The following SPIC variants were observed in gnomAD, a reference collection of about 807,000 sequenced individuals.
SPIC encodes transcription factor Spi-C.
Under a neutral mutation model 16.7 loss-of-function variants are expected in SPIC, and 9 were observed. The observed-to-expected ratio is 0.54, with a 90% CI of 0.33 to 0.94. SPIC has a LOEUF of 0.94. SPIC is among the 40% of genes least tolerant of loss of function. The pLI, the probability that SPIC is intolerant of heterozygous loss-of-function variation, is 0.03. For synonymous variants in SPIC, 97 were observed against 102.9 expected (o/e 0.94, Z 0.35); for missense variants, 241 against 285.8 (o/e 0.84, Z 1.13).
At chr12:101,475,862 G>A (rs1002314658) in intron 1 of SPIC, among the ~76,000 whole-genome samples, 2 of 152,104 alleles carry the variant, frequency 1.3e-5, no homozygotes, top group Non-Finnish European at 2.9e-5. Flanking sequence ...GAGCCGAAGA[G>A]TGATTTCTGG....
intron 5 of SPIC, among the ~76,000 whole-genome samples, chr12:101,483,998 T>C (rs1330655624): frequency 6.6e-6 from 1 of 151,772 alleles, no homozygotes; most frequent in Non-Finnish European, 1.5e-5. Flanking sequence ...TATTTATTCA[T>C]TTATTTATTT....
chr12:101,479,355 G>GAA (rs1243477392), intron 3 of SPIC, among the ~76,000 whole-genome samples: 5 of 150,978 alleles, frequency 3.3e-5, no homozygotes, highest in Non-Finnish European at 7.4e-5. Context: ...AAGAAAGAAA[G>GAA]AAATCATGCG....
intron 5 of SPIC, among the ~76,000 whole-genome samples, chr12:101,483,568 C>T (rs7978469): frequency 0.72 from 109,209 of 151,996 alleles, 40,131 homozygotes; most frequent in African/African-American, 0.88. Context: ...AACATATATA[C>T]AGTAGATACT....
Position 101,482,784 on chromosome 12 carries a change from T to C in SPIC, c.211-8T>C. On this transcript the variant is annotated splice_polypyrimidine_tract_variant and splice_region_variant and intron_variant, in intron 4 of 5. Transcript: ENST00000551346. ...CTCACTTAACATCCTGCTTCATTAT[T>C]TATATAGAACAGTGCTGCGGACTTC... The C allele has an allele frequency of 6.3e-7, 1 of 1,598,166 alleles. No individual in the cohort carries two copies. The highest frequency in any genetic ancestry group is 8.5e-7 in the Non-Finnish European group (1 of 1,173,216).
In SPIC at chr12:101,478,156, C is replaced by T. The variant is rs909711679; in HGVS notation, c.97+505C>T. On this transcript the variant is annotated intron_variant, in intron 3 of 5. Transcript: ENST00000551346. ...ACGCCATTCTCCTGCCTCAGCCTCC[C>T]GAGTAGCTGGGACTACAGGCGCCCG... is the stretch of plus-strand genomic sequence containing the variant. Among the ~76,000 whole-genome samples, 107 of 151,028 alleles carry T rather than the reference C, an allele frequency of 7.1e-4. 1 individual carries two copies. The highest frequency in any genetic ancestry group is 1.3e-4 in the Non-Finnish European group (9 of 67,684).
At chr12:101,475,713 G>C (rs944182814) in intron 1 of SPIC, among the ~76,000 whole-genome samples, 1 of 152,152 alleles carries the variant, frequency 6.6e-6, no homozygotes, top group Non-Finnish European at 1.5e-5. Context: ...TAGTCAAAGA[G>C]AACATGTTCA....
chr12:101,486,258 T>C (rs1000597179), intron 5 of SPIC, 86 bp from the exon 6 acceptor site: 1 of 1,315,024 alleles, frequency 7.6e-7, no homozygotes, highest in Non-Finnish European at 1.1e-6. Flanking sequence ...CAGCTTTTAA[T>C]TCAGTAGTTG....
chr12:101,485,332 T>G (rs1029617916), intron 5 of SPIC, among the ~76,000 whole-genome samples: 4 of 152,170 alleles, frequency 2.6e-5, no homozygotes, highest in African/African-American at 9.7e-5. Flanking sequence ...AGAAATCCTA[T>G]CAACTGAACA....
intron 4 of SPIC, among the ~76,000 whole-genome samples, chr12:101,482,108 G>T (rs1873220940): frequency 6.6e-6 from 1 of 150,436 alleles, no homozygotes; most frequent in Non-Finnish European, 1.5e-5. Flanking sequence ...CGGGCATGGT[G>T]GCACGCCCAG....
chr12:101,478,048 T>TTC (rs1873015480), intron 3 of SPIC, among the ~76,000 whole-genome samples: 1 of 150,434 alleles, frequency 6.6e-6, no homozygotes, highest in Admixed American at 6.6e-5. Flanking sequence ...TTTTTTTTTT[T>TTC]TGAGACGAAG....
chr12:101,484,144 CT>C (rs1313159218), intron 5 of SPIC, among the ~76,000 whole-genome samples: 2 of 151,622 alleles, frequency 1.3e-5, no homozygotes, highest in Non-Finnish European at 2.9e-5. Context: ...TTCTAGAAAG[CT>C]TTTTTTAAAA....
At chr12:101,477,228 G>A (rs75041342) in intron 2 of SPIC, among the ~76,000 whole-genome samples, 7,088 of 152,198 alleles carry the variant, frequency 0.047, 187 homozygotes, top group African/African-American at 0.065. Context: ...ACTATAGAAT[G>A]AATACCATTC....
At chr12:101,475,549 C>G (rs1191504256) in intron 1 of SPIC, 47 bp downstream of exon 1, 1 of 152,074 alleles carries the variant, frequency 6.6e-6, no homozygotes, top group Non-Finnish European at 1.5e-5. Context: ...AATCACTGTT[C>G]ATTTTTTCCT....
chr12:101,476,095 T>G (rs1192270529), intron 1 of SPIC, among the ~76,000 whole-genome samples: 1 of 152,198 alleles, frequency 6.6e-6, no homozygotes. Flanking sequence ...AAAGAACTGC[T>G]GGGTTTACTT....
rs376950527 is a variant in SPIC, at chr12:101,475,415, A to G, written c.-165A>G. On this transcript the variant is annotated 5_prime_UTR_variant, in exon 1 of 6. It adds an upstream start codon to the 5' untranslated region. Transcript: ENST00000551346. Reference sequence around the variant, plus strand: ...CATCAGAGCCATTGCACTGGAAAATAATTTTTTATTTTCATGATAGCCTAC... The same window carrying G: ...CATCAGAGCCATTGCACTGGAAAATGATTTTTTATTTTCATGATAGCCTAC... 2.0e-5 allele frequency: 3 copies of G among 152,234 alleles called. No homozygotes were observed. The highest frequency in any genetic ancestry group is 4.1e-4 in the South Asian group (2 of 4,824). The allele number at this position is 152,234 out of a possible 1,614,324, so 9.4% of individuals were successfully genotyped here.
chr12:101,479,205 AAAG>A (rs1267476460), intron 3 of SPIC, among the ~76,000 whole-genome samples: 3 of 130,334 alleles, frequency 2.3e-5, no homozygotes, highest in Non-Finnish European at 5.0e-5. Flanking sequence ...AGAAAGAAAG[AAAG>A]AAAGAAAGAA....
chr12:101,479,307 A>AAGAAAG (rs1555209047), intron 3 of SPIC, among the ~76,000 whole-genome samples: 6 of 88,214 alleles, frequency 6.8e-5, no homozygotes, highest in African/African-American at 3.5e-4. Context: ...AAAGAAAGAA[A>AAGAAAG]AAAGAAAGAA....
intron 5 of SPIC, among the ~76,000 whole-genome samples, chr12:101,485,198 G>C (rs1234411953): frequency 6.6e-6 from 1 of 152,198 alleles, no homozygotes; most frequent in Non-Finnish European, 1.5e-5. Context: ...CTCCTCAAGG[G>C]AAAATGGAAT....
rs574109632 is a variant in SPIC, at chr12:101,480,812, C to A, written c.210+1118C>A. 4.6e-5 allele frequency among the ~76,000 whole-genome samples: 7 copies of A among 152,220 alleles called. 2 individuals carry two copies. In the South Asian group the frequency reaches 1.5e-3, roughly 32 times the overall value. Reference sequence around the variant, plus strand: ...GACCAACCTGGGCAACAGAGCAAGACCCTGTCTCAAAAAAAAATTTTGTAA... The same window carrying A: ...GACCAACCTGGGCAACAGAGCAAGAACCTGTCTCAAAAAAAAATTTTGTAA... On this transcript the variant is annotated intron_variant, in intron 4 of 5. Coordinates refer to ENST00000551346, the MANE Select transcript of SPIC (RefSeq NM_152323.3).
Sources: allele counts gnomAD v4.1 joint callset (sites outside exome capture counted in the v4.1 genomes callset), GRCh38; gene constraint gnomAD v4.1.1; transcripts MANE v1.5; gene names NCBI Gene and HGNC (gene_info 2026-07-23, HGNC 2026-07-21).